CWF19L1: variants seen among roughly 807,000 people sequenced by gnomAD.
CWF19L1 encodes the protein CWF19 like cell cycle control factor 1.
In CWF19L1, 60 loss-of-function variants were observed where a neutral mutation model predicts 69.7. That is an observed-to-expected ratio of 0.86 (90% confidence interval 0.70 to 1.07). CWF19L1 has a LOEUF of 1.07. CWF19L1 is among the 50% of genes least tolerant of loss of function. The pLI is 0.00. For synonymous variants in CWF19L1, 209 were observed against 222.2 expected (o/e 0.94, Z 0.53); for missense variants, 591 against 638.9 (o/e 0.92, Z 0.81).
chr10:100,248,561 A>G, intron 7 of CWF19L1: 1 of 727,076 alleles, frequency 1.4e-6, no homozygotes, highest in Admixed American at 1.8e-5. Flanking sequence ...GTCGCTAGCC[A>G]GCTTCCTCGC....
intron 7 of CWF19L1, among the ~76,000 whole-genome samples, chr10:100,247,170 C>T (rs1223013462): frequency 6.6e-6 from 1 of 152,178 alleles, no homozygotes; most frequent in African/African-American, 2.4e-5. Flanking sequence ...TCAAAGCCCC[C>T]ACCCTCACAA....
intron 4 of CWF19L1, among the ~76,000 whole-genome samples, chr10:100,257,688 A>T (rs1400776063): frequency 6.6e-6 from 1 of 152,034 alleles, no homozygotes; most frequent in Admixed American, 6.6e-5. Context: ...GTTCTCCTGA[A>T]ACTATGTTAT....
At chr10:100,266,189 ATTTTTT>A (rs67759652) in intron 1 of CWF19L1, among the ~76,000 whole-genome samples, 2 of 134,128 alleles carry the variant, frequency 1.5e-5, no homozygotes, top group African/African-American at 5.4e-5. Flanking sequence ...CACTATTGCA[ATTTTTT>A]TTTTTTTTTT....
intron 6 of CWF19L1, among the ~76,000 whole-genome samples, chr10:100,252,160 T>C (rs1312475828): frequency 6.6e-6 from 1 of 152,216 alleles, no homozygotes; most frequent in Non-Finnish European, 1.5e-5. Context: ...TTTACTTAAC[T>C]CTCTCACTTG....
chr10:100,262,845 T>C (rs1000624409), intron 1 of CWF19L1, among the ~76,000 whole-genome samples: 1 of 152,242 alleles, frequency 6.6e-6, no homozygotes, highest in Non-Finnish European at 1.5e-5. Context: ...CCTTAATGTC[T>C]TTTAACTCAT....
intron 2 of CWF19L1, 58 bp from the exon 3 acceptor site, chr10:100,261,102 T>A: frequency 1.8e-6 from 2 of 1,104,742 alleles, no homozygotes; most frequent in Non-Finnish European, 2.7e-6. Flanking sequence ...CAGTACATAA[T>A]TGATAGTAAT....
intron 4 of CWF19L1, among the ~76,000 whole-genome samples, chr10:100,257,919 T>G (rs1245350898): frequency 6.6e-6 from 1 of 152,064 alleles, no homozygotes; most frequent in Non-Finnish European, 1.5e-5. Context: ...CTCCAAAGCC[T>G]ATACTCTTCA....
intron 4 of CWF19L1, among the ~76,000 whole-genome samples, chr10:100,257,544 C>G (rs1847256506): frequency 6.6e-6 from 1 of 151,926 alleles, no homozygotes; most frequent in African/African-American, 2.4e-5. Flanking sequence ...GTGAACTGCC[C>G]ACCTCGACCT....
chr10:100,248,866 G>T (rs1846922944), intron 7 of CWF19L1: 1 of 1,095,106 alleles, frequency 9.1e-7, no homozygotes. Context: ...AGAAAAGGCT[G>T]AGCAGCAGAA....
chr10:100,244,019 C>T (rs1846722853), intron 9 of CWF19L1, among the ~76,000 whole-genome samples: 1 of 152,222 alleles, frequency 6.6e-6, no homozygotes, highest in Non-Finnish European at 1.5e-5. Flanking sequence ...AAATCACACA[C>T]TGACTAAAGT....
In CWF19L1 at chr10:100,267,587, G is replaced by T; in HGVS notation, c.7C>A (p.Gln3Lys). The T allele has an allele frequency of 6.2e-7, 1 of 1,614,204 alleles. No individual in the cohort carries two copies. Among genetic ancestry groups the T allele is most frequent in the Non-Finnish European group, 8.5e-7 (1 of 1,180,038 alleles). ...GTCACTCACAGGCGCAGCGGTTTCTGTGCCATCTGTCCGAATAGTATGGGT... is the reference window on the plus strand; with the variant it reads ...GTCACTCACAGGCGCAGCGGTTTCTTTGCCATCTGTCCGAATAGTATGGGT... MAQKPLRLLACGD... is the reference protein window; with the variant it reads MAKKPLRLLACGD... Residue 3 changes from glutamine (Q) to lysine (K), a missense_variant, in exon 1 of 14, where the codon CAG becomes AAG. By Grantham distance (53) the Gln-to-Lys change is moderately conservative (BLOSUM62 1). Coordinates refer to ENST00000354105, the MANE Select transcript of CWF19L1 (RefSeq NM_018294.6).
Position 100,233,277 on chromosome 10 carries a change from G to C in CWF19L1, c.1567C>G (p.Arg523Gly), listed in dbSNP as rs771615315. The stretch of plus-strand genomic sequence containing the variant: ...GGCTCAAAGTCTTTCCGGAAGCGGC[G>C]AGCCAGGGTCTCCTCGTCTTCCTTG... ...ISKEDEETLA[R>G]RFRKDFEPYD... is the part of the protein sequence containing the mutation. Residue 523 changes from arginine (R) to glycine (G), a missense_variant, in exon 14 of 14, where the codon CGC (arginine) becomes GGC (glycine). Arg to Gly is a moderately radical substitution (Grantham distance 125, BLOSUM62 -2). Coordinates refer to ENST00000354105, the MANE Select transcript of CWF19L1 (RefSeq NM_018294.6). 7.4e-6 allele frequency: 12 copies of C among 1,613,568 alleles called. No individual in the cohort carries two copies. The highest frequency in any genetic ancestry group is 1.7e-5 in the Admixed American group (1 of 59,978).
intron 7 of CWF19L1, among the ~76,000 whole-genome samples, chr10:100,247,532 T>C (rs1846867296): frequency 6.6e-6 from 1 of 152,242 alleles, no homozygotes; most frequent in Non-Finnish European, 1.5e-5. Flanking sequence ...TTAAACTTAC[T>C]ACTGATTAGG....
chr10:100,233,399 A>AAGGC, intron 13 of CWF19L1, 28 bp from the exon 14 acceptor site: 1 of 1,602,926 alleles, frequency 6.2e-7, no homozygotes, highest in South Asian at 1.1e-5. Context: ...AGAAGTCAAA[A>AAGGC]TGGAAACTAT....
rs546627866 is a variant in CWF19L1, at chr10:100,249,081, C to A, written c.708+1167G>T. ...TCCTCCAGCTGCCCCTGAGGGGCCACCCTGCCTGCACCTCCGCAGGCCAAC... is the reference window on the plus strand; with the variant it reads ...TCCTCCAGCTGCCCCTGAGGGGCCAACCTGCCTGCACCTCCGCAGGCCAAC... On this transcript the variant is annotated intron_variant, in intron 7 of 13. Transcript: ENST00000354105. 2.9e-3 allele frequency: 1,524 copies of A among 517,258 alleles called. 30 individuals carry two copies. Among genetic ancestry groups the A allele is most frequent in the South Asian group, 0.028 (1,446 of 51,908 alleles). The allele number at this position is 517,258 out of a possible 1,614,324, so 32.0% of individuals were successfully genotyped here.
chr10:100,245,294 A>ACAGGCATGAGCCCC (rs1846777490), intron 9 of CWF19L1, among the ~76,000 whole-genome samples: 1 of 150,964 alleles, frequency 6.6e-6, no homozygotes, highest in Non-Finnish European at 1.5e-5. Flanking sequence ...GTACAGGATT[A>ACAGGCATGAGCCCC]CAGGCATGAG....
chr10:100,243,824 G>T, intron 9 of CWF19L1, 47 bp from the exon 10 acceptor site: 1 of 1,433,618 alleles, frequency 7.0e-7, no homozygotes, highest in Non-Finnish European at 9.8e-7. Context: ...AAGCACTACA[G>T]CATATAATCA....
intron 4 of CWF19L1, 149 bp downstream of exon 4, chr10:100,260,069 G>C (rs1347416496): frequency 1.8e-6 from 1 of 563,710 alleles, no homozygotes; most frequent in Non-Finnish European, 3.1e-6. Flanking sequence ...TCAGGAGGCT[G>C]AGGCAGGAGA....
At chr10:100,245,168 C>T (rs971702428) in intron 9 of CWF19L1, among the ~76,000 whole-genome samples, 6 of 151,640 alleles carry the variant, frequency 4.0e-5, no homozygotes, top group African/African-American at 1.5e-4. Context: ...GACTACAGGA[C>T]CGTGCCACCA....
Sources: gnomAD v4.1 joint callset for allele counts (sites outside exome capture counted in the v4.1 genomes callset) on GRCh38, gnomAD v4.1.1 for gene constraint, MANE v1.5 for transcripts, NCBI Gene and HGNC (gene_info 2026-07-23, HGNC 2026-07-21) for gene names.